Variants in PLCE1 observed in about 807,000 individuals in gnomAD.
The protein encoded by PLCE1 is phospholipase C epsilon 1, also known as 1-phosphatidylinositol 4,5-bisphosphate phosphodiesterase epsilon-1.
In PLCE1, 119 loss-of-function variants were observed where a neutral mutation model predicts 242.8. The observed-to-expected ratio is 0.49, with a 90% CI of 0.42 to 0.57. PLCE1 has a LOEUF of 0.57. Ranked by LOEUF, PLCE1 falls within the 20% of genes least tolerant of loss-of-function variation. The pLI is 0.00. For missense variants in PLCE1, 2,441 were observed against 2,788.8 expected, an observed-to-expected ratio of 0.88 and a Z score of 2.81; for synonymous variants, 945 against 1,017.4, an observed-to-expected ratio of 0.93 and a Z score of 1.35.
intron 1 of PLCE1, among the ~76,000 whole-genome samples, chr10:93,994,571 T>C: frequency 6.6e-6 from 1 of 152,256 alleles, no homozygotes; most frequent in East Asian, 1.9e-4. Flanking sequence ...TTTGTGGCGG[T>C]ACTTAGCAGC....
chr10:94,159,337 T>C (rs1262283999), intron 3 of PLCE1, among the ~76,000 whole-genome samples: 1 of 152,210 alleles, frequency 6.6e-6, no homozygotes, highest in East Asian at 1.9e-4. Flanking sequence ...AAATCACCAA[T>C]TAACCAAACT....
intron 23 of PLCE1, among the ~76,000 whole-genome samples, chr10:94,296,235 G>A (rs1047086904): frequency 2.0e-5 from 3 of 151,610 alleles, no homozygotes; most frequent in Admixed American, 6.6e-5. Flanking sequence ...GCATGGTGGC[G>A]GGTGCCTGTA....
intron 2 of PLCE1, among the ~76,000 whole-genome samples, chr10:94,034,681 G>T (rs532903449): frequency 6.6e-6 from 1 of 152,250 alleles, no homozygotes; most frequent in African/African-American, 2.4e-5. Context: ...TTGTAAACCT[G>T]CTTACACGTC....
At chr10:94,147,498 G>GAAT (rs1275374388) in intron 3 of PLCE1, among the ~76,000 whole-genome samples, 3,331 of 111,848 alleles carry the variant, frequency 0.03, 106 homozygotes, top group African/African-American at 0.093. Context: ...AAAGAAAGAA[G>GAAT]GGGAGGCAGA....
chr10:94,321,442 G>T lies in PLCE1; in HGVS notation c.6343-459G>T, dbSNP rs569183043. 2.0e-4 allele frequency among the ~76,000 whole-genome samples: 30 copies of T among 152,240 alleles called. 1 individual carries two copies. The East Asian group carries it at 5.2e-3, about 26-fold the overall frequency. On this transcript the variant is annotated intron_variant, in intron 29 of 32. Coordinates refer to ENST00000371380, the MANE Select transcript of PLCE1 (RefSeq NM_016341.4). ...AGGTCAGGAGTTCAAGACCAGCCTG[G>T]CCAGCATGGCGAAACCCTGTCTCTA... is the stretch of plus-strand genomic sequence containing the variant.
At chr10:94,242,644 AG>A (rs2050548618) in intron 7 of PLCE1, among the ~76,000 whole-genome samples, 1 of 152,066 alleles carries the variant, frequency 6.6e-6, no homozygotes, top group African/African-American at 2.4e-5. Flanking sequence ...TCTTCAGTAA[AG>A]GGAGGCAAGG....
Position 94,088,554 on chromosome 10 carries a change from C to T in PLCE1, c.1207-43620C>T, listed in dbSNP as rs116909162. ...GGAACTCCTGGGTTTTCTTGTTCAT[C>T]ATCAGTTATAGGAAGAAAAATTGGC... On this transcript the variant is annotated intron_variant, in intron 2 of 32. Transcript: ENST00000371380. 7.9e-3 allele frequency among the ~76,000 whole-genome samples: 1,206 copies of T among 152,332 alleles called. 9 individuals are homozygous for T. The highest frequency in any genetic ancestry group is 0.012 in the Non-Finnish European group (838 of 68,022).
At chr10:94,141,770 A>AT (rs2046982870) in intron 3 of PLCE1, among the ~76,000 whole-genome samples, 1 of 152,198 alleles carries the variant, frequency 6.6e-6, no homozygotes, top group African/African-American at 2.4e-5. Flanking sequence ...ATCCTAATCA[A>AT]TGCAGTCAGA....
chr10:94,181,609 G>A (rs1047295513), intron 4 of PLCE1, among the ~76,000 whole-genome samples: 4 of 151,642 alleles, frequency 2.6e-5, no homozygotes, highest in Non-Finnish European at 1.5e-5. Flanking sequence ...AAAATAAAAA[G>A]ATAAAAAGCT....
At chr10:94,055,247 A>G (rs1047945675) in intron 2 of PLCE1, among the ~76,000 whole-genome samples, 1 of 151,498 alleles carries the variant, frequency 6.6e-6, no homozygotes, top group Non-Finnish European at 1.5e-5. Context: ...ATAATTATAT[A>G]TATTAATAAA....
chr10:94,136,806 G>A (rs1044847722), intron 3 of PLCE1, among the ~76,000 whole-genome samples: 1 of 152,304 alleles, frequency 6.6e-6, no homozygotes, highest in African/African-American at 2.4e-5. Context: ...TGATCCACAA[G>A]GATATGCCCT....
intron 14 of PLCE1, among the ~76,000 whole-genome samples, 160 bp from the exon 15 acceptor site, chr10:94,265,487 A>G (rs1488903679): frequency 6.6e-6 from 1 of 152,230 alleles, no homozygotes; most frequent in East Asian, 1.9e-4. Context: ...CTTTTGGACT[A>G]AAAACTACTT....
At chr10:94,263,513 C>CAAAA (rs780289280) in intron 14 of PLCE1, among the ~76,000 whole-genome samples, 1 of 76,856 alleles carries the variant, frequency 1.3e-5, no homozygotes, top group Non-Finnish European at 2.7e-5. Context: ...GACCCCATCT[C>CAAAA]AAAAAAAAAA....
In PLCE1 at chr10:94,268,735, C is replaced by T. The variant is rs1589446366; in HGVS notation, c.4282-194C>T. ...TGGTAAACACTCTTTCTACCTTAAT[C>T]TGTTCCCTTCCTTCCCCACTCTGGA... On this transcript the variant is annotated intron_variant, in intron 16 of 32. Coordinates refer to ENST00000371380, the MANE Select transcript of PLCE1 (RefSeq NM_016341.4). Among the ~76,000 whole-genome samples, 3 of 152,234 alleles carry T rather than the reference C, an allele frequency of 2.0e-5. No homozygotes were observed. The South Asian group carries it at 6.2e-4, about 32-fold the overall frequency.
intron 3 of PLCE1, among the ~76,000 whole-genome samples, chr10:94,137,446 T>C (rs2046818268): frequency 6.6e-6 from 1 of 151,774 alleles, no homozygotes; most frequent in Admixed American, 6.6e-5. Flanking sequence ...TAATGTGAAG[T>C]ACTAAAAATG....
intron 11 of PLCE1, among the ~76,000 whole-genome samples, chr10:94,256,736 C>A (rs1484894460): frequency 6.6e-6 from 1 of 152,172 alleles, no homozygotes; most frequent in African/African-American, 2.4e-5. Flanking sequence ...GAGAAATTAA[C>A]ATGCCAGATG....
chr10:94,165,986 G>T (rs1403251427), intron 3 of PLCE1, among the ~76,000 whole-genome samples: 2 of 152,130 alleles, frequency 1.3e-5, no homozygotes, highest in Admixed American at 6.5e-5. Context: ...GATTGCAGGT[G>T]TGAGCCACCA....
At chr10:94,035,563 T>G (rs900371682) in intron 2 of PLCE1, among the ~76,000 whole-genome samples, 1 of 152,192 alleles carries the variant, frequency 6.6e-6, no homozygotes. Flanking sequence ...ATCCCCTTGG[T>G]CTGAGCAGGC....
chr10:94,067,678 T>C (rs2044236836), intron 2 of PLCE1, among the ~76,000 whole-genome samples: 1 of 152,100 alleles, frequency 6.6e-6, no homozygotes, highest in Non-Finnish European at 1.5e-5. Context: ...ACTTGTGCAA[T>C]GAAAGAGGGC....
Sources: allele counts gnomAD v4.1 joint callset (sites outside exome capture counted in the v4.1 genomes callset), GRCh38; gene constraint gnomAD v4.1.1; transcripts MANE v1.5; gene names NCBI Gene and HGNC (gene_info 2026-07-23, HGNC 2026-07-21).